Variants in PCDHGB7 observed in about 807,000 individuals in gnomAD.
PCDHGB7 encodes protocadherin gamma-B7.
A neutral mutation model predicts 61.4 loss-of-function variants in PCDHGB7; 37 were observed. The observed-to-expected ratio is 0.60, with a 90% CI of 0.46 to 0.79. The LOEUF is 0.79. Ranked by LOEUF, PCDHGB7 falls within the 30% of genes least tolerant of loss-of-function variation. The pLI is 0.00. For missense variants in PCDHGB7, 1,166 were observed against 1,202.5 expected (o/e 0.97, Z 0.45); for synonymous variants, 464 against 503.5 (o/e 0.92, Z 1.05).
Position 141,419,908 on chromosome 5 carries a change from C to T in PCDHGB7, c.2049C>T (p.Asp683=). Residue 683 remains aspartate, a synonymous_variant, in exon 1 of 4, where the codon GAC becomes GAT. Coordinates refer to ENST00000398594, the MANE Select transcript of PCDHGB7 (RefSeq NM_018927.4). The stretch of plus-strand genomic sequence containing the variant: ...TCAGCGACCATCCCACACCCTCTGA[C>T]TCCCAGGCTGAGATGCAGTTTTACC... ...PDFSDHPTPS[D]SQAEMQFYLV... is the part of the protein sequence containing the mutation. The T allele has an allele frequency of 1.2e-6, 2 of 1,613,976 alleles. No individual in the cohort carries two copies. Among genetic ancestry groups the T allele is most frequent in the Non-Finnish European group, 1.7e-6 (2 of 1,179,912 alleles).
chr5:141,423,708 T>A (rs1384948123), intron 1 of PCDHGB7: 23 of 1,349,902 alleles, frequency 1.7e-5, no homozygotes, highest in Non-Finnish European at 2.2e-5. Flanking sequence ...TTGGCACAAG[T>A]CTTTTAAGGA....
chr5:141,478,563 C>A, intron 1 of PCDHGB7: 2 of 1,596,270 alleles, frequency 1.3e-6, no homozygotes, highest in South Asian at 1.1e-5. Context: ...TTTAGCAAGT[C>A]ATGCTTGACC....
chr5:141,436,635 A>G (rs953396225), intron 1 of PCDHGB7, among the ~76,000 whole-genome samples: 8 of 152,184 alleles, frequency 5.3e-5, no homozygotes, highest in African/African-American at 1.9e-4. Context: ...ACAACATGCA[A>G]TTAATTAACA....
chr5:141,482,510 T>A (rs2099563292), intron 1 of PCDHGB7, among the ~76,000 whole-genome samples: 3 of 121,012 alleles, frequency 2.5e-5, no homozygotes, highest in African/African-American at 3.5e-5. Context: ...GTACCCAGAG[T>A]ACAGTATGAG....
At chr5:141,488,198 GGACTC>G in intron 1 of PCDHGB7, among the ~76,000 whole-genome samples, 1 of 152,166 alleles carries the variant, frequency 6.6e-6, no homozygotes, top group Non-Finnish European at 1.5e-5. Context: ...CTGGGTCTTA[GGACTC>G]ATATCAAGTC....
At position 141,491,423 on chromosome 5, in the gene PCDHGB7, G is replaced by C; in HGVS notation, c.2416-3384G>C. On this transcript the variant is annotated intron_variant, in intron 1 of 3. Transcript: ENST00000398594. The surrounding 1 kb of genome is among the most constrained non-coding windows in gnomAD (Gnocchi z 6.9). ...AACGCAGACGGGGACGGGGGTGGAG[G>C]GCAGTGCTGCAGGCGCCAGGACTCA... 1 of 1,614,126 alleles carries C rather than the reference G, an allele frequency of 6.2e-7. No individual in the cohort carries two copies. Among genetic ancestry groups the C allele is most frequent in the South Asian group, 1.1e-5 (1 of 91,090 alleles).
chr5:141,475,550 T>G (rs2099365082), intron 1 of PCDHGB7, among the ~76,000 whole-genome samples: 1 of 152,246 alleles, frequency 6.6e-6, no homozygotes, highest in Non-Finnish European at 1.5e-5. Flanking sequence ...AGGGTCCGGC[T>G]AATTGTCTGT....
At chr5:141,428,097 C>T (rs2097109296) in intron 1 of PCDHGB7, 2 of 1,608,758 alleles carry the variant, frequency 1.2e-6, no homozygotes, top group African/African-American at 1.3e-5. Flanking sequence ...GCTGTCCTAC[C>T]ACGTGCTGCA....
At chr5:141,503,598 CAAAAAAA>C (rs765754054) in intron 2 of PCDHGB7, among the ~76,000 whole-genome samples, 8 of 65,766 alleles carry the variant, frequency 1.2e-4, no homozygotes, top group South Asian at 1.1e-3. Context: ...GACTCCAGCT[CAAAAAAA>C]AAAAAAAAAG....
chr5:141,476,521 C>T lies in PCDHGB7; in HGVS notation c.2416-18286C>T. On this transcript the variant is annotated intron_variant, in intron 1 of 3. Transcript: ENST00000398594. The surrounding 1 kb of genome is among the most constrained non-coding windows in gnomAD (Gnocchi z 7.6). ...ACATCAACGACAACAATCCTGCTTT[C>T]CCTACCCAGGAAATGAAATTGGAGA... 4 of 1,614,214 alleles carry T rather than the reference C, an allele frequency of 2.5e-6. No homozygotes were observed. The highest frequency in any genetic ancestry group is 3.4e-6 in the Non-Finnish European group (4 of 1,180,036).
chr5:141,505,602 A>G lies in PCDHGB7; in HGVS notation c.2563+121A>G, dbSNP rs1041288927. 4.6e-5 allele frequency: 71 copies of G among 1,534,990 alleles called. 1 individual carries two copies. In the Admixed American group the frequency reaches 1.4e-3, roughly 30 times the overall value. On this transcript the variant is annotated intron_variant, in intron 3 of 3. Coordinates refer to ENST00000398594, the MANE Select transcript of PCDHGB7 (RefSeq NM_018927.4). ...GTGTAGTTTCTCCAGATCTTTCGGC[A>G]GGTCTGAAAGGACCCACAATTCCAA...
In PCDHGB7 at chr5:141,477,229, C is replaced by G. The variant is rs1376731101; in HGVS notation, c.2416-17578C>G. The G allele has an allele frequency of 6.2e-7, 1 of 1,614,222 alleles. No homozygotes were observed. The highest frequency in any genetic ancestry group is 8.5e-7 in the Non-Finnish European group (1 of 1,180,052). On this transcript the variant is annotated intron_variant, in intron 1 of 3. Transcript: ENST00000398594. This position sits in a 1 kb window ranked among gnomAD's most constrained non-coding sequence, Gnocchi z 4.9. ...AGGATGCCCCTCTGGGGACTGTCAT[C>G]GCTTTGCTCAGTGTGACTGACCTGG...
chr5:141,451,860 C>T, intron 1 of PCDHGB7, among the ~76,000 whole-genome samples: 1 of 151,832 alleles, frequency 6.6e-6, no homozygotes, highest in Non-Finnish European at 1.5e-5. Flanking sequence ...CAGCCTAGGC[C>T]ACAGAATGAA....
chr5:141,435,396 G>A (rs562717014), intron 1 of PCDHGB7, among the ~76,000 whole-genome samples: 46 of 152,096 alleles, frequency 3.0e-4, no homozygotes, highest in African/African-American at 9.4e-4. Context: ...TTGCCATGAC[G>A]AAAAATGGTA....
intron 2 of PCDHGB7, among the ~76,000 whole-genome samples, chr5:141,496,040 AT>A (rs2099765531): frequency 1.3e-5 from 2 of 150,356 alleles, no homozygotes; most frequent in Admixed American, 6.6e-5. Flanking sequence ...TCTGTCTCTC[AT>A]TTTTTTGTGC....
At chr5:141,457,116 C>T (rs933634563) in intron 1 of PCDHGB7, among the ~76,000 whole-genome samples, 5 of 152,176 alleles carry the variant, frequency 3.3e-5, no homozygotes, top group Non-Finnish European at 7.3e-5. Flanking sequence ...AATACGACAG[C>T]AATGGAAACT....
At chr5:141,465,867 A>G (rs1049493106) in intron 1 of PCDHGB7, among the ~76,000 whole-genome samples, 5 of 152,040 alleles carry the variant, frequency 3.3e-5, no homozygotes, top group African/African-American at 9.7e-5. Context: ...TCATGCCTGT[A>G]ATCCCAGCAC....
intron 1 of PCDHGB7, among the ~76,000 whole-genome samples, chr5:141,456,206 T>C (rs966457070): frequency 6.6e-6 from 1 of 152,098 alleles, no homozygotes; most frequent in African/African-American, 2.4e-5. Context: ...ACCACATTCC[T>C]CCCTGTGGCG....
chr5:141,478,461 T>C, intron 1 of PCDHGB7: 1 of 1,613,254 alleles, frequency 6.2e-7, no homozygotes, highest in East Asian at 2.2e-5. Flanking sequence ...GCCAGTCCAC[T>C]GGCCAGCCGC....
Sources: allele counts gnomAD v4.1 joint callset (sites outside exome capture counted in the v4.1 genomes callset), GRCh38; gene constraint gnomAD v4.1.1; non-coding constraint Gnocchi (gnomAD v3.1); transcripts MANE v1.5; gene names NCBI Gene and HGNC (gene_info 2026-07-23, HGNC 2026-07-21).